Variants in ZBTB20 observed in about 807,000 individuals in gnomAD.
ZBTB20 encodes the protein zinc finger and BTB domain containing 20, also known as zinc finger and BTB domain-containing protein 20.
ZBTB20 carries 9 observed loss-of-function variants against 56.9 expected under a neutral mutation model. The observed-to-expected ratio is 0.16, with a 90% CI of 0.10 to 0.28. ZBTB20 has a LOEUF of 0.28. ZBTB20 is among the 10% of genes least tolerant of loss of function. ZBTB20 has a pLI of 1.00. For missense variants in ZBTB20, 655 were observed against 1,003.0 expected (o/e 0.65, Z 4.69); for synonymous variants, 417 against 420.7 (o/e 0.99, Z 0.11).
In ZBTB20 at chr3:114,323,173, T is replaced by A. The variant is rs1049069062; in HGVS notation, c.*15832A>T. 5.3e-5 allele frequency: 8 copies of A among 152,158 alleles called. No homozygotes were observed. The highest frequency in any genetic ancestry group is 4.6e-4 in the Admixed American group (7 of 15,260). The allele number at this position is 152,158 out of a possible 1,614,324, so 9.4% of individuals were successfully genotyped here. A position where few individuals can be genotyped will look rare whatever the true frequency, so the allele number is the denominator to read the frequency against. ...TTACTTCTAAGATTAAAAAAGATAA[T>A]AAAAATAAATTTAACAAAGAAAAGT... On this transcript the variant is annotated 3_prime_UTR_variant, in exon 12 of 12. Transcript: ENST00000675478.
rs1576816989 is a variant in ZBTB20, at chr3:114,450,805, C to A, written c.-255+49547G>T. Among the ~76,000 whole-genome samples, 2 of 151,880 alleles carry A rather than the reference C, an allele frequency of 1.3e-5. 1 individual carries two copies. ...AAATACAACAAAAATTTAGGAGAAACCCAGTAATAACATCGGCACAATTCA... is the reference window on the plus strand; with the variant it reads ...AAATACAACAAAAATTTAGGAGAAAACCAGTAATAACATCGGCACAATTCA... On this transcript the variant is annotated intron_variant, in intron 7 of 11. Transcript: ENST00000675478.
intron 5 of ZBTB20, among the ~76,000 whole-genome samples, chr3:114,751,379 G>T (rs1191740559): frequency 6.6e-6 from 1 of 152,082 alleles, no homozygotes; most frequent in Non-Finnish European, 1.5e-5. Context: ...TATAATTTGT[G>T]CATTCTCTTA....
At chr3:114,462,911 G>GA (rs1011913024) in intron 7 of ZBTB20, among the ~76,000 whole-genome samples, 10 of 152,280 alleles carry the variant, frequency 6.6e-5, no homozygotes, top group Admixed American at 2.0e-4. Context: ...CTCTTGGCCT[G>GA]AGGACTCGTC....
At chr3:114,644,755 C>T (rs1174148800) in intron 6 of ZBTB20, among the ~76,000 whole-genome samples, 1 of 151,988 alleles carries the variant, frequency 6.6e-6, no homozygotes, top group Non-Finnish European at 1.5e-5. Flanking sequence ...TTCCTATGGA[C>T]TAAATCTGCA....
At chr3:114,537,380 A>T (rs1425992999) in intron 6 of ZBTB20, among the ~76,000 whole-genome samples, 1 of 152,232 alleles carries the variant, frequency 6.6e-6, no homozygotes, top group Non-Finnish European at 1.5e-5. Flanking sequence ...CGAACATATG[A>T]AAAAAAGCTC....
At chr3:114,439,318 G>A (rs2108947357) in intron 7 of ZBTB20, among the ~76,000 whole-genome samples, 1 of 152,222 alleles carries the variant, frequency 6.6e-6, no homozygotes, top group Non-Finnish European at 1.5e-5. Flanking sequence ...AGAAGTGCAG[G>A]TGAATTACCA....
At chr3:114,489,788 C>T (rs1463600533) in intron 7 of ZBTB20, among the ~76,000 whole-genome samples, 1 of 152,158 alleles carries the variant, frequency 6.6e-6, no homozygotes, top group East Asian at 1.9e-4. Context: ...GATGTATCAG[C>T]AATTTAGCTT....
chr3:114,912,931 G>A (rs986829675), intron 3 of ZBTB20, among the ~76,000 whole-genome samples: 1 of 151,868 alleles, frequency 6.6e-6, no homozygotes, highest in Non-Finnish European at 1.5e-5. Flanking sequence ...TTTTAAGGCT[G>A]AATACTACTC....
At chr3:114,493,950 G>A (rs1363489387) in intron 7 of ZBTB20, among the ~76,000 whole-genome samples, 4 of 152,134 alleles carry the variant, frequency 2.6e-5, no homozygotes, top group African/African-American at 4.8e-5. Context: ...AAATTTGGCT[G>A]AGGCTTTTAA....
intron 3 of ZBTB20, among the ~76,000 whole-genome samples, chr3:114,967,793 C>T (rs1464021718): frequency 1.3e-5 from 2 of 151,958 alleles, no homozygotes; most frequent in Admixed American, 6.5e-5. Context: ...CCCATCTCTA[C>T]TAAAAATACA....
intron 5 of ZBTB20, among the ~76,000 whole-genome samples, chr3:114,784,541 AC>A (rs2070353142): frequency 6.6e-6 from 1 of 152,232 alleles, no homozygotes; most frequent in Non-Finnish European, 1.5e-5. Flanking sequence ...GCATGAGAGA[AC>A]AAAGAGTTTT....
At chr3:115,120,568 G>C (rs2084157026) in intron 1 of ZBTB20, among the ~76,000 whole-genome samples, 1 of 152,076 alleles carries the variant, frequency 6.6e-6, no homozygotes, top group South Asian at 2.1e-4. Flanking sequence ...CCAGACGGGG[G>C]CAAATTGCAG....
At chr3:114,798,510 CT>C (rs1170007972) in intron 5 of ZBTB20, among the ~76,000 whole-genome samples, 1 of 151,746 alleles carries the variant, frequency 6.6e-6, no homozygotes, top group Non-Finnish European at 1.5e-5. Flanking sequence ...TGCTTAGACC[CT>C]GATTGTAGTG....
chr3:114,508,041 A>G (rs929546282), intron 6 of ZBTB20, among the ~76,000 whole-genome samples: 2 of 152,152 alleles, frequency 1.3e-5, no homozygotes, highest in Non-Finnish European at 2.9e-5. Context: ...AAATTTGCTG[A>G]ATATTTCATA....
chr3:114,651,783 C>G (rs2060148634), intron 6 of ZBTB20, among the ~76,000 whole-genome samples: 1 of 152,018 alleles, frequency 6.6e-6, no homozygotes, highest in African/African-American at 2.4e-5. Context: ...GTTCGACTGT[C>G]CAAGGCTGTA....
At chr3:114,631,404 T>TTTTTTTTTTTTTTTTA in intron 6 of ZBTB20, among the ~76,000 whole-genome samples, 1 of 126,444 alleles carries the variant, frequency 7.9e-6, no homozygotes, top group African/African-American at 3.1e-5. Context: ...TTTTTTTTTT[T>TTTTTTTTTTTTTTTTA]TTTTTTGAGA....
At chr3:114,925,579 T>C (rs1017003039) in intron 3 of ZBTB20, among the ~76,000 whole-genome samples, 1 of 152,172 alleles carries the variant, frequency 6.6e-6, no homozygotes, top group Non-Finnish European at 1.5e-5. Context: ...CAGGCTGGAG[T>C]GCAGTGGCAC....
At chr3:114,558,821 A>G (rs1246555748) in intron 6 of ZBTB20, among the ~76,000 whole-genome samples, 1 of 152,156 alleles carries the variant, frequency 6.6e-6, no homozygotes, top group African/African-American at 2.4e-5. Flanking sequence ...CATCACCAGT[A>G]TACTTTTCCT....
chr3:115,069,754 AGATTGTCATTGATAAT>A (rs2082338540), intron 2 of ZBTB20, among the ~76,000 whole-genome samples: 1 of 152,060 alleles, frequency 6.6e-6, no homozygotes, highest in South Asian at 2.1e-4. Context: ...AGATGATCTC[AGATTGTCATTGATAAT>A]GATGATGGCT....
Sources: allele counts gnomAD v4.1 joint callset (sites outside exome capture counted in the v4.1 genomes callset), GRCh38; gene constraint gnomAD v4.1.1; transcripts MANE v1.5; gene names NCBI Gene and HGNC (gene_info 2026-07-23, HGNC 2026-07-21).